CDK14: variants seen among roughly 807,000 people sequenced by gnomAD.
CDK14 encodes cyclin dependent kinase 14.
A neutral mutation model predicts 60.7 loss-of-function variants in CDK14; 34 were observed. The observed-to-expected ratio is 0.56, with a 90% CI of 0.43 to 0.75. The LOEUF (loss-of-function observed/expected upper bound fraction) is 0.75, where lower values mean the gene tolerates loss of function less well. CDK14 is among the 30% of genes least tolerant of loss of function. CDK14 has a pLI of 0.00. For synonymous variants in CDK14, 197 were observed against 203.7 expected (o/e 0.97, Z 0.28); for missense variants, 482 against 564.1 (o/e 0.85, Z 1.47).
chr7:91,036,605 A>G (rs1361301307), intron 10 of CDK14, among the ~76,000 whole-genome samples: 1 of 152,196 alleles, frequency 6.6e-6, no homozygotes, highest in Non-Finnish European at 1.5e-5. Context: ...ACATGAAGAT[A>G]AAGATGAAGA....
chr7:90,635,265 A>G (rs183870027), intron 2 of CDK14, among the ~76,000 whole-genome samples: 1 of 152,280 alleles, frequency 6.6e-6, no homozygotes, highest in East Asian at 1.9e-4. Context: ...TTATGGTTTG[A>G]GGTCTAACAT....
chr7:90,725,747 C>T (rs1267103011), intron 2 of CDK14, among the ~76,000 whole-genome samples: 29 of 151,800 alleles, frequency 1.9e-4, no homozygotes, highest in Admixed American at 1.4e-3. Context: ...TCCAGAGTAT[C>T]GGGAGAATGA....
At chr7:91,152,196 C>CT (rs1800846511) in intron 14 of CDK14, among the ~76,000 whole-genome samples, 1 of 152,134 alleles carries the variant, frequency 6.6e-6, no homozygotes, top group South Asian at 2.1e-4. Context: ...AACATAGCAA[C>CT]TTAAGAGTAA....
At chr7:90,968,392 A>G (rs1794819618) in intron 9 of CDK14, among the ~76,000 whole-genome samples, 1 of 152,238 alleles carries the variant, frequency 6.6e-6, no homozygotes, top group Non-Finnish European at 1.5e-5. Flanking sequence ...AAACGTATTC[A>G]TAGTATGTGA....
chr7:90,775,367 A>G (rs1804977029), intron 4 of CDK14, among the ~76,000 whole-genome samples: 1 of 152,198 alleles, frequency 6.6e-6, no homozygotes, highest in Non-Finnish European at 1.5e-5. Flanking sequence ...GAGTTTAATA[A>G]GTAATCAAAG....
chr7:90,641,387 T>C (rs1270867699), intron 2 of CDK14, among the ~76,000 whole-genome samples: 3 of 152,170 alleles, frequency 2.0e-5, no homozygotes, highest in African/African-American at 7.2e-5. Context: ...ATGTCCATCA[T>C]CTGATGAATG....
chr7:91,099,607 G>A (rs374232120), intron 12 of CDK14, among the ~76,000 whole-genome samples: 39 of 152,108 alleles, frequency 2.6e-4, no homozygotes, highest in African/African-American at 8.9e-4. Flanking sequence ...GCCTATAATC[G>A]ATTTAAGCAA....
intron 10 of CDK14, among the ~76,000 whole-genome samples, chr7:90,994,512 A>G (rs802414): frequency 0.99 from 150,050 of 152,320 alleles, 73,948 homozygotes; most frequent in East Asian, 1. Context: ...GAACGCTGGG[A>G]CTGTGTTTTC....
intron 12 of CDK14, among the ~76,000 whole-genome samples, chr7:91,100,235 A>G (rs1028012671): frequency 6.6e-6 from 1 of 152,172 alleles, no homozygotes. Context: ...CTATTTATGC[A>G]TGTAGAATTA....
At chr7:90,773,030 T>A (rs1410200435) in intron 4 of CDK14, among the ~76,000 whole-genome samples, 3 of 152,220 alleles carry the variant, frequency 2.0e-5, no homozygotes, top group Non-Finnish European at 4.4e-5. Flanking sequence ...AGTGTTATAA[T>A]TAGGATAGGA....
chr7:90,897,223 A>G (rs1453635964), intron 6 of CDK14, among the ~76,000 whole-genome samples: 1 of 152,148 alleles, frequency 6.6e-6, no homozygotes, highest in Non-Finnish European at 1.5e-5. Context: ...TATTTGCAAT[A>G]TAAATAACAA....
chr7:91,077,566 G>A (rs980468479), intron 11 of CDK14, among the ~76,000 whole-genome samples: 5 of 151,902 alleles, frequency 3.3e-5, no homozygotes, highest in Non-Finnish European at 7.4e-5. Flanking sequence ...CCTAGATGAC[G>A]GGTAGATAGG....
chr7:90,968,641 T>A (rs1794826559), intron 9 of CDK14, among the ~76,000 whole-genome samples: 1 of 152,180 alleles, frequency 6.6e-6, no homozygotes, highest in Admixed American at 6.5e-5. Context: ...GCTTTTACCA[T>A]GTTTGTTTTT....
intron 11 of CDK14, among the ~76,000 whole-genome samples, chr7:91,052,473 G>C (rs1333174022): frequency 6.6e-6 from 1 of 152,038 alleles, no homozygotes; most frequent in East Asian, 1.9e-4. Flanking sequence ...TCTGTATTTG[G>C]TAAAATATCT....
intron 10 of CDK14, among the ~76,000 whole-genome samples, chr7:91,018,963 C>T (rs556790331): frequency 1.3e-5 from 2 of 152,266 alleles, no homozygotes; most frequent in South Asian, 2.1e-4. Flanking sequence ...ATGGCTTAAT[C>T]GCCTCTCAAA....
chr7:90,911,054 A>T (rs7803522), intron 7 of CDK14, among the ~76,000 whole-genome samples: 150,031 of 152,280 alleles, frequency 0.99, 73,946 homozygotes, highest in East Asian at 1. Flanking sequence ...TCTTGCTATG[A>T]TACTTTGCTG....
At chr7:91,015,770 A>T (rs1796288709) in intron 10 of CDK14, among the ~76,000 whole-genome samples, 1 of 150,954 alleles carries the variant, frequency 6.6e-6, no homozygotes, top group Non-Finnish European at 1.5e-5. Context: ...ATGGGTATGA[A>T]TCAGTTCTGT....
At chr7:90,892,847 T>A (rs554686364) in intron 6 of CDK14, among the ~76,000 whole-genome samples, 1 of 152,332 alleles carries the variant, frequency 6.6e-6, no homozygotes, top group African/African-American at 2.4e-5. Context: ...GGCACGATCT[T>A]GGCTCACTGC....
intron 9 of CDK14, among the ~76,000 whole-genome samples, chr7:90,963,503 G>A (rs1034281064): frequency 2.0e-5 from 3 of 151,990 alleles, no homozygotes; most frequent in South Asian, 2.1e-4. Context: ...CGTGTTGTAA[G>A]TTGTGTATTT....
Sources: gnomAD v4.1 joint callset for allele counts (sites outside exome capture counted in the v4.1 genomes callset) on GRCh38, gnomAD v4.1.1 for gene constraint, MANE v1.5 for transcripts, NCBI Gene and HGNC (gene_info 2026-07-23, HGNC 2026-07-21) for gene names.